RPS6KC1: variants seen among roughly 807,000 people sequenced by gnomAD.
The protein encoded by RPS6KC1 is inactive ribosomal protein S6 kinase delta-1.
RPS6KC1 carries 54 observed loss-of-function variants against 103.8 expected under a neutral mutation model. The observed-to-expected ratio is 0.52, with a 90% CI of 0.42 to 0.65. The LOEUF is 0.65. Ranked by LOEUF, RPS6KC1 falls within the 30% of genes least tolerant of loss-of-function variation. The probability of loss-of-function intolerance (pLI) is 0.00; values close to 1 mark genes in which losing one functional copy is unlikely to be tolerated. For missense variants in RPS6KC1, 1,151 were observed against 1,253.8 expected, an observed-to-expected ratio of 0.92 and a Z score of 1.24; for synonymous variants, 439 against 438.7, an observed-to-expected ratio of 1.00 and a Z score of -0.01.
the RPS6KC1 span, among the ~76,000 whole-genome samples, chr1:213,472,226 T>A: frequency 6.6e-6 from 1 of 152,230 alleles, no homozygotes; most frequent in African/African-American, 2.4e-5. Flanking sequence ...TGGAAATCAA[T>A]TGCTAATTAA....
the RPS6KC1 span, among the ~76,000 whole-genome samples, chr1:213,555,535 A>T: frequency 6.6e-6 from 1 of 151,810 alleles, no homozygotes; most frequent in African/African-American, 2.4e-5. Flanking sequence ...TGCAGCCTCG[A>T]CCCCCTGGGC....
the RPS6KC1 span, among the ~76,000 whole-genome samples, chr1:213,734,340 A>G: frequency 6.6e-6 from 1 of 152,246 alleles, no homozygotes; most frequent in African/African-American, 2.4e-5. Flanking sequence ...TGTTCATTCA[A>G]GTGATCAGAA....
At chr1:213,056,416 A>G (rs1045069748) in intron 1 of RPS6KC1, among the ~76,000 whole-genome samples, 16 of 152,204 alleles carry the variant, frequency 1.1e-4, no homozygotes, top group Non-Finnish European at 1.6e-4. Context: ...CTGTATTATA[A>G]AACATTTTTC....
At chr1:213,536,706 A>G in the RPS6KC1 span, among the ~76,000 whole-genome samples, 4 of 152,208 alleles carry the variant, frequency 2.6e-5, no homozygotes, top group Non-Finnish European at 1.5e-5. Flanking sequence ...GCTAGCTGCC[A>G]TCTTCTTTCC....
At chr1:213,198,464 G>T (rs972862682) in intron 8 of RPS6KC1, among the ~76,000 whole-genome samples, 5 of 152,304 alleles carry the variant, frequency 3.3e-5, no homozygotes, top group African/African-American at 9.6e-5. Flanking sequence ...TTTCCCAGGT[G>T]TTCTTTGAGC....
In RPS6KC1 at chr1:213,100,935, C is replaced by G. The variant is rs556947968; in HGVS notation, c.263-3519C>G. Among the ~76,000 whole-genome samples the G allele has an allele frequency of 2.0e-5, 3 of 152,212 alleles. No individual in the cohort carries two copies. In the South Asian group the frequency reaches 6.2e-4, roughly 32 times the overall value. On this transcript the variant is annotated intron_variant, in intron 3 of 14. Transcript: ENST00000366960. ...CTTTTTGGTAGAATGATTCGTTTTC[C>G]TTTGGGTATATACCCAGTAATAGGA...
chr1:213,550,148 T>C, the RPS6KC1 span, among the ~76,000 whole-genome samples: 2 of 152,182 alleles, frequency 1.3e-5, no homozygotes, highest in East Asian at 3.9e-4. Flanking sequence ...AAAGCCCTAG[T>C]GTTGTTCAGT....
At position 213,241,690 on chromosome 1, in the gene RPS6KC1, T is replaced by C; in HGVS notation, c.2214T>C (p.Thr738=). The change falls in exon 11 of 15, where the codon ACT becomes ACC. Residue 738 remains threonine, a synonymous_variant. Coordinates refer to ENST00000366960, the MANE Select transcript of RPS6KC1 (RefSeq NM_012424.6). ...APDVLCLRLS[T]EQCQAHEEKG... ...ATGTTTTATGCCTCAGGCTTAGTAC[T>C]GAACAATGCCAAGCACATGAGGAGA... 1 of 1,613,932 alleles carries C rather than the reference T, an allele frequency of 6.2e-7. No homozygotes were observed. Among genetic ancestry groups the C allele is most frequent in the Non-Finnish European group, 8.5e-7 (1 of 1,179,958 alleles).
the RPS6KC1 span, among the ~76,000 whole-genome samples, chr1:213,771,335 C>T: frequency 6.6e-6 from 1 of 152,056 alleles, no homozygotes; most frequent in Non-Finnish European, 1.5e-5. Flanking sequence ...GTGGTTAAAA[C>T]CATGGATCAG....
At chr1:213,339,955 C>T in the RPS6KC1 span, among the ~76,000 whole-genome samples, 7 of 151,974 alleles carry the variant, frequency 4.6e-5, no homozygotes, top group Admixed American at 1.3e-4. Context: ...TGCAATGGCG[C>T]GATCTTGGCT....
chr1:213,227,654 T>C (rs1366817947), intron 8 of RPS6KC1, among the ~76,000 whole-genome samples: 1 of 152,234 alleles, frequency 6.6e-6, no homozygotes, highest in Non-Finnish European at 1.5e-5. Flanking sequence ...GACTGCGCTA[T>C]ACTCCTAGAA....
chr1:213,642,928 C>A, the RPS6KC1 span, among the ~76,000 whole-genome samples: 1 of 151,900 alleles, frequency 6.6e-6, no homozygotes, highest in Middle Eastern at 3.5e-3. Flanking sequence ...TTTTCTAACA[C>A]CATTTATTGT....
chr1:213,860,095 A>G, the RPS6KC1 span, among the ~76,000 whole-genome samples: 1 of 151,474 alleles, frequency 6.6e-6, no homozygotes, highest in Non-Finnish European at 1.5e-5. Context: ...AGGTGTAAAT[A>G]TAGATACGTA....
the RPS6KC1 span, among the ~76,000 whole-genome samples, chr1:213,670,831 C>A: frequency 6.6e-6 from 1 of 152,210 alleles, no homozygotes; most frequent in African/African-American, 2.4e-5. Flanking sequence ...TGGTCAGCCT[C>A]CAGTTCCAGC....
chr1:213,157,215 ATTTT>A (rs566969624), intron 6 of RPS6KC1, among the ~76,000 whole-genome samples: 1 of 141,120 alleles, frequency 7.1e-6, no homozygotes. Flanking sequence ...CCAATTTTTA[ATTTT>A]TTTTTTTTTT....
chr1:213,359,925 A>T, the RPS6KC1 span, among the ~76,000 whole-genome samples: 2 of 152,188 alleles, frequency 1.3e-5, no homozygotes, highest in Non-Finnish European at 2.9e-5. Context: ...CTGAGAGATC[A>T]GCTGTTAGTC....
the RPS6KC1 span, among the ~76,000 whole-genome samples, chr1:213,807,488 C>A: frequency 6.6e-6 from 1 of 152,106 alleles, no homozygotes; most frequent in East Asian, 1.9e-4. Context: ...TCTTTTTATT[C>A]TTTTTTCTCT....
the RPS6KC1 span, among the ~76,000 whole-genome samples, chr1:213,607,688 T>TACACACACACACACACACACAC: frequency 2.1e-5 from 3 of 140,802 alleles, no homozygotes; most frequent in Non-Finnish European, 3.1e-5. Context: ...CAGTTGCAAT[T>TACACACACACACACACACACAC]ACACACACAC....
the RPS6KC1 span, among the ~76,000 whole-genome samples, chr1:213,446,282 C>G: frequency 6.6e-6 from 1 of 152,204 alleles, no homozygotes; most frequent in African/African-American, 2.4e-5. Context: ...CCAGATTTCT[C>G]TTTTCTATCC....
Sources: allele counts gnomAD v4.1 joint callset (sites outside exome capture counted in the v4.1 genomes callset), GRCh38; gene constraint gnomAD v4.1.1; transcripts MANE v1.5; gene names NCBI Gene and HGNC (gene_info 2026-07-23, HGNC 2026-07-21).